Variants in UNC13B observed in about 807,000 individuals in gnomAD.
UNC13B encodes the protein protein unc-13 homolog B.
Under a neutral mutation model 211.0 loss-of-function variants are expected in UNC13B, and 144 were observed. The observed-to-expected ratio is 0.68, with a 90% CI of 0.60 to 0.78. The LOEUF (loss-of-function observed/expected upper bound fraction) is 0.78, where lower values mean the gene tolerates loss of function less well. Among genes scored for constraint, UNC13B ranks in the 30% least tolerant of loss-of-function variants. The pLI is 0.00. For missense variants in UNC13B, 1,777 were observed against 2,002.0 expected (o/e 0.89, Z 2.14); for synonymous variants, 709 against 725.8 (o/e 0.98, Z 0.37).
chr9:35,278,762 G>A (rs1196934404), intron 7 of UNC13B, among the ~76,000 whole-genome samples: 1 of 151,910 alleles, frequency 6.6e-6, no homozygotes, highest in Non-Finnish European at 1.5e-5. Context: ...TGTGCATAAG[G>A]TACAAAATTC....
chr9:35,227,869 A>G (rs1427345876), intron 1 of UNC13B, 146 bp from the exon 2 acceptor site: 2 of 584,724 alleles, frequency 3.4e-6, no homozygotes, highest in Non-Finnish European at 5.8e-6. Flanking sequence ...TCAAGTTTTG[A>G]TCAGAAGTCT....
chr9:35,206,538 G>A (rs569123204), intron 1 of UNC13B, among the ~76,000 whole-genome samples: 2 of 152,194 alleles, frequency 1.3e-5, no homozygotes, highest in Middle Eastern at 3.4e-3. Context: ...CCATATGGTG[G>A]TTTGTATCAG....
At chr9:35,219,050 G>A (rs925391176) in intron 1 of UNC13B, among the ~76,000 whole-genome samples, 1 of 152,252 alleles carries the variant, frequency 6.6e-6, no homozygotes, top group East Asian at 1.9e-4. Flanking sequence ...TGCCCGGCCA[G>A]TGTTCGTGTT....
intron 1 of UNC13B, among the ~76,000 whole-genome samples, chr9:35,222,540 A>G (rs927510505): frequency 3.9e-5 from 6 of 152,202 alleles, no homozygotes; most frequent in African/African-American, 1.4e-4. Flanking sequence ...TCATGCTTGT[A>G]TACCATCTTT....
At chr9:35,290,804 T>G (rs892906542) in intron 7 of UNC13B, among the ~76,000 whole-genome samples, 9 of 152,138 alleles carry the variant, frequency 5.9e-5, no homozygotes, top group South Asian at 2.1e-4. Context: ...GAAGTAATTT[T>G]TTGTTGTTGT....
At chr9:35,401,781 A>G (rs1468870072) in intron 37 of UNC13B, among the ~76,000 whole-genome samples, 1 of 152,176 alleles carries the variant, frequency 6.6e-6, no homozygotes, top group African/African-American at 2.4e-5. Context: ...GAGCATTCAC[A>G]CACTGACTGC....
chr9:35,299,466 A>G (rs1829563704), intron 8 of UNC13B, among the ~76,000 whole-genome samples: 1 of 152,122 alleles, frequency 6.6e-6, no homozygotes, highest in Non-Finnish European at 1.5e-5. Context: ...AAATCCCTTG[A>G]TATATTTTGC....
chr9:35,221,562 T>C (rs972273937), intron 1 of UNC13B, among the ~76,000 whole-genome samples: 1 of 152,222 alleles, frequency 6.6e-6, no homozygotes, highest in East Asian at 1.9e-4. Context: ...TTGTTTTCTT[T>C]GCTGTGCTGA....
At chr9:35,341,787 C>T (rs1832012246) in intron 11 of UNC13B, 2 of 269,652 alleles carry the variant, frequency 7.4e-6, no homozygotes, top group Admixed American at 6.5e-5. Context: ...GGTGTGTGCG[C>T]CAGGAACGTG....
At chr9:35,374,622 C>G (rs943675156) in intron 13 of UNC13B, among the ~76,000 whole-genome samples, 1 of 152,246 alleles carries the variant, frequency 6.6e-6, no homozygotes. Context: ...AAGTGCCCTA[C>G]TTGTAGGCCT....
chr9:35,351,441 G>A (rs1564156668), intron 11 of UNC13B: 1 of 1,231,142 alleles, frequency 8.1e-7, no homozygotes, highest in Non-Finnish European at 1.0e-6. Flanking sequence ...AGGACAGGCT[G>A]TTGCCTTCCA....
At chr9:35,189,097 T>G (rs901446781) in intron 1 of UNC13B, among the ~76,000 whole-genome samples, 1 of 152,228 alleles carries the variant, frequency 6.6e-6, no homozygotes, top group Non-Finnish European at 1.5e-5. Flanking sequence ...TAGCTTTATC[T>G]TATCAAATTT....
Position 35,232,177 on chromosome 9 carries a change from C to CTTTTT in UNC13B, c.152+975_152+979dup, listed in dbSNP as rs547048403. Among the ~76,000 whole-genome samples, 182 of 31,526 alleles carry CTTTTT rather than the reference C, an allele frequency of 5.8e-3. 53 individuals carry two copies. Among genetic ancestry groups the CTTTTT allele is most frequent in the Non-Finnish European group, 8.0e-3 (136 of 16,902 alleles). 20.7% of individuals were successfully genotyped at this position (31,526 alleles called of 152,430 possible). A position where few individuals can be genotyped will look rare whatever the true frequency, so the allele number is the denominator to read the frequency against. ...CCTCTGGGCTCTTGGTATATTGCTG[C>CTTTTT]TTTTTTTTTTTTTTTTTTTTTGAGG... On this transcript the variant is annotated intron_variant, in intron 3 of 39. Transcript: ENST00000635942.
chr9:35,392,861 G>A (rs764387159), intron 26 of UNC13B, among the ~76,000 whole-genome samples: 15 of 151,854 alleles, frequency 9.9e-5, no homozygotes, highest in Non-Finnish European at 1.9e-4. Context: ...AATGCTGTCC[G>A]TCACCAAATA....
chr9:35,380,067 T>C (rs1422982955), intron 17 of UNC13B, among the ~76,000 whole-genome samples: 2 of 152,182 alleles, frequency 1.3e-5, no homozygotes, highest in Admixed American at 6.5e-5. Context: ...TGAACATGTC[T>C]AGCACCTTTA....
intron 1 of UNC13B, among the ~76,000 whole-genome samples, chr9:35,190,639 T>C (rs1033728211): frequency 2.0e-5 from 3 of 152,082 alleles, no homozygotes; most frequent in Non-Finnish European, 4.4e-5. Flanking sequence ...GGGCCTGTCA[T>C]ATGTGCATTA....
chr9:35,349,445 G>A (rs936936611), intron 11 of UNC13B, among the ~76,000 whole-genome samples: 3 of 152,116 alleles, frequency 2.0e-5, no homozygotes, highest in East Asian at 1.9e-4. Flanking sequence ...ACTTTGGAGC[G>A]TGGTCTACCT....
intron 6 of UNC13B, among the ~76,000 whole-genome samples, chr9:35,250,299 A>G (rs577682551): frequency 6.6e-6 from 1 of 152,114 alleles, no homozygotes; most frequent in Admixed American, 6.5e-5. Context: ...CCGTAAAGAA[A>G]CCCTGTGCCC....
chr9:35,387,275 T>C (rs1333426177), intron 24 of UNC13B, among the ~76,000 whole-genome samples: 8 of 152,176 alleles, frequency 5.3e-5, no homozygotes, highest in Admixed American at 3.3e-4. Flanking sequence ...GGACAACCAA[T>C]GATGGCAGGA....
Sources: gnomAD v4.1 joint callset for allele counts (sites outside exome capture counted in the v4.1 genomes callset) on GRCh38, gnomAD v4.1.1 for gene constraint, MANE v1.5 for transcripts, NCBI Gene and HGNC (gene_info 2026-07-23, HGNC 2026-07-21) for gene names.